Variants in TRRAP observed in about 807,000 individuals in gnomAD.
TRRAP encodes the protein transformation/transcription domain-associated protein.
A neutral mutation model predicts 438.8 loss-of-function variants in TRRAP; 41 were observed. That is an observed-to-expected ratio of 0.09 (90% CI 0.07 to 0.12). The LOEUF (loss-of-function observed/expected upper bound fraction) is 0.12. TRRAP is among the 10% of genes least tolerant of loss of function. The probability of loss-of-function intolerance (pLI) is 1.00; values close to 1 mark genes in which losing one functional copy is unlikely to be tolerated. For synonymous variants in TRRAP, 1,994 were observed against 1,962.9 expected, an observed-to-expected ratio of 1.02 and a Z score of -0.42; for missense variants, 3,122 against 5,055.1, an observed-to-expected ratio of 0.62 and a Z score of 11.60.
At chr7:98,924,698 A>G (rs1789956979) in intron 21 of TRRAP, among the ~76,000 whole-genome samples, 1 of 150,020 alleles carries the variant, frequency 6.7e-6, no homozygotes, top group South Asian at 2.1e-4. Context: ...CAAAAAAAAA[A>G]AAAAAAAAGG....
chr7:98,990,632 G>A lies in TRRAP; in HGVS notation c.9756+13G>A, dbSNP rs369602412. 6.2e-7 allele frequency: 1 copy of A among 1,600,970 alleles called. No homozygotes were observed. Among genetic ancestry groups the A allele is most frequent in the African/African-American group, 1.3e-5 (1 of 74,694 alleles). On this transcript the variant is annotated intron_variant, in intron 64 of 72. Transcript: ENST00000456197. ...CCTCATTAGCCAGGTGGGAAGAGCA[G>A]GGTGGCCTTGTTCACGTGCACAAAA...
intron 40 of TRRAP, among the ~76,000 whole-genome samples, chr7:98,954,239 G>A (rs1554418948): frequency 6.6e-6 from 1 of 152,156 alleles, no homozygotes; most frequent in South Asian, 2.1e-4. Context: ...TCTGAGGTTG[G>A]GCACCCCGGG....
At chr7:98,890,815 GGTCTCACTCT>G (rs1554404736) in intron 4 of TRRAP, among the ~76,000 whole-genome samples, 8 of 106,824 alleles carry the variant, frequency 7.5e-5, no homozygotes, top group Admixed American at 1.3e-4. Context: ...TAAAAGACAA[GGTCTCACTCT>G]GTCACCCAGT....
intron 32 of TRRAP, 30 bp from the exon 33 acceptor site, chr7:98,945,900 T>A: frequency 6.4e-7 from 1 of 1,551,644 alleles, no homozygotes; most frequent in Non-Finnish European, 8.7e-7. Context: ...TGTTGCCTTT[T>A]TTCATGCTGT....
chr7:98,929,916 A>C, intron 23 of TRRAP, 73 bp from the exon 24 acceptor site: 1 of 1,513,114 alleles, frequency 6.6e-7, no homozygotes, highest in Non-Finnish European at 9.1e-7. Context: ...TCTAACTTCA[A>C]GGAAAACATT....
In TRRAP at chr7:98,958,020, C is replaced by G; in HGVS notation, c.6271C>G (p.Leu2091Val). 6.2e-7 allele frequency: 1 copy of G among 1,614,184 alleles called. No homozygotes were observed. The highest frequency in any genetic ancestry group is 1.1e-5 in the South Asian group (1 of 91,082). The change falls in exon 44 of 73, where the codon CTC becomes GTC. Residue 2091 changes from leucine (L) to valine (V), a missense_variant. Leu to Val is a conservative substitution (Grantham distance 32). Coordinates refer to ENST00000456197, the MANE Select transcript of TRRAP (RefSeq NM_001375524.1). ...CCAGTCGCTACCTGGAGCAGACTCT[C>G]TCCTCGCCAAGCCCATTGACAAGCA... ...RSQSLPGADSLLAKPIDKQHT... is the reference protein window; with the variant it reads ...RSQSLPGADSVLAKPIDKQHT...
chr7:98,953,321 G>A lies in TRRAP; in HGVS notation c.5618G>A (p.Trp1873Ter). ...SKLRRLMTFAWPCLLSKACVD... is the reference protein window; with the variant it reads ...SKLRRLMTFA ...CTGCGCCGCCTCATGACCTTCGCCTGGCCCTGCCTGCTCTCCAAGGCCTGC... is the reference window on the plus strand; with the variant it reads ...CTGCGCCGCCTCATGACCTTCGCCTAGCCCTGCCTGCTCTCCAAGGCCTGC... The change falls in exon 40 of 73, where the codon TGG becomes TAG. Residue 1873 changes from tryptophan (W) to a stop codon, truncating the protein, a stop_gained. Coordinates refer to ENST00000456197, the MANE Select transcript of TRRAP (RefSeq NM_001375524.1). LOFTEE classifies it high-confidence loss of function. 1 of 1,613,998 alleles carries A rather than the reference G, an allele frequency of 6.2e-7. No homozygotes were observed. Among genetic ancestry groups the A allele is most frequent in the Non-Finnish European group, 8.5e-7 (1 of 1,180,030 alleles).
chr7:98,950,804 T>G, intron 38 of TRRAP, 72 bp from the exon 39 acceptor site: 1 of 1,455,618 alleles, frequency 6.9e-7, no homozygotes, highest in Non-Finnish European at 9.1e-7. Flanking sequence ...CAAGACTAGC[T>G]GTTCTTCCCG....
chr7:98,919,486 C>T (rs552810815), intron 20 of TRRAP, among the ~76,000 whole-genome samples: 2 of 152,170 alleles, frequency 1.3e-5, no homozygotes, highest in South Asian at 4.1e-4. Context: ...CCTGTAGTCC[C>T]AGCTACTCAC....
At chr7:98,975,223 T>G (rs1218331555) in intron 53 of TRRAP, among the ~76,000 whole-genome samples, 1 of 152,210 alleles carries the variant, frequency 6.6e-6, no homozygotes, top group South Asian at 2.1e-4. Context: ...CTTGAAAGAT[T>G]TGTATCCTTG....
At chr7:98,981,406 A>T (rs1562970149) in intron 58 of TRRAP, among the ~76,000 whole-genome samples, 1 of 152,124 alleles carries the variant, frequency 6.6e-6, no homozygotes, top group Non-Finnish European at 1.5e-5. Flanking sequence ...CGTCTCAAAA[A>T]AATAATAATA....
At chr7:98,950,460 T>C (rs1444820182) in intron 38 of TRRAP, among the ~76,000 whole-genome samples, 198 bp downstream of exon 38, 1 of 152,168 alleles carries the variant, frequency 6.6e-6, no homozygotes, top group African/African-American at 2.4e-5. Context: ...AGTTGGAGGC[T>C]GCACCGAGCT....
At chr7:98,955,903 C>T (rs1197182580) in intron 41 of TRRAP, among the ~76,000 whole-genome samples, 4 of 148,966 alleles carry the variant, frequency 2.7e-5, no homozygotes, top group East Asian at 2.0e-4. Flanking sequence ...CTGAAGTATA[C>T]TATTGTAATG....
intron 12 of TRRAP, among the ~76,000 whole-genome samples, chr7:98,904,025 G>T (rs1238367937): frequency 6.6e-6 from 1 of 152,062 alleles, no homozygotes; most frequent in South Asian, 2.1e-4. Flanking sequence ...GGCCAGGCTG[G>T]TCTCGAACTC....
chr7:98,898,906 G>T (rs138945234), intron 8 of TRRAP, among the ~76,000 whole-genome samples: 1 of 152,138 alleles, frequency 6.6e-6, no homozygotes, highest in Non-Finnish European at 1.5e-5. Flanking sequence ...CAAACCTTTA[G>T]GCCGGGCACG....
chr7:98,999,716 G>A, intron 67 of TRRAP: 1 of 747,478 alleles, frequency 1.3e-6, no homozygotes, highest in South Asian at 1.6e-5. Context: ...AGCACAAGTG[G>A]AGGGAGAAAG....
chr7:98,891,742 G>T (rs1795989249), intron 4 of TRRAP, among the ~76,000 whole-genome samples: 1 of 149,932 alleles, frequency 6.7e-6, no homozygotes, highest in Non-Finnish European at 1.5e-5. Context: ...GTTTCACCAT[G>T]TTAGCCAGGA....
At chr7:98,896,935 A>G (rs1470324670) in intron 7 of TRRAP, among the ~76,000 whole-genome samples, 9 of 140,220 alleles carry the variant, frequency 6.4e-5, no homozygotes. Context: ...CCTGGCTTTT[A>G]AAAATGTCCT....
At chr7:98,904,803 A>G (rs1796647004) in intron 12 of TRRAP, among the ~76,000 whole-genome samples, 1 of 152,224 alleles carries the variant, frequency 6.6e-6, no homozygotes, top group Non-Finnish European at 1.5e-5. Flanking sequence ...AGACATTAGC[A>G]TCACATCTCA....
Sources: allele counts gnomAD v4.1 joint callset (sites outside exome capture counted in the v4.1 genomes callset), GRCh38; gene constraint gnomAD v4.1.1; transcripts MANE v1.5; gene names NCBI Gene and HGNC (gene_info 2026-07-23, HGNC 2026-07-21).